NTN1: variants seen among roughly 807,000 people sequenced by gnomAD.
NTN1 encodes the protein netrin-1.
NTN1 carries 11 observed loss-of-function variants against 54.2 expected under a neutral mutation model. That is an observed-to-expected ratio of 0.20 (90% CI 0.13 to 0.34). The LOEUF (loss-of-function observed/expected upper bound fraction) is 0.34. Among genes scored for constraint, NTN1 ranks in the 10% least tolerant of loss-of-function variants. NTN1 has a pLI of 1.00. For missense variants in NTN1, 740 were observed against 893.1 expected (o/e 0.83, Z 2.18); for synonymous variants, 371 against 382.0 (o/e 0.97, Z 0.33).
At chr17:9,208,201 C>T (rs1367304619) in intron 5 of NTN1, among the ~76,000 whole-genome samples, 1 of 152,162 alleles carries the variant, frequency 6.6e-6, no homozygotes, top group Non-Finnish European at 1.5e-5. Context: ...CATTGCACTC[C>T]AGCCTAGGCC....
intron 5 of NTN1, among the ~76,000 whole-genome samples, chr17:9,209,406 G>A (rs1905043722): frequency 6.6e-6 from 1 of 152,234 alleles, no homozygotes; most frequent in Non-Finnish European, 1.5e-5. Context: ...AATCGATATT[G>A]CAGGGGGCCA....
At chr17:9,231,303 G>GT (rs1555579605) in intron 6 of NTN1, among the ~76,000 whole-genome samples, 1 of 152,070 alleles carries the variant, frequency 6.6e-6, no homozygotes, top group Non-Finnish European at 1.5e-5. Context: ...CCCGGGGGGG[G>GT]ACCCCAGCCT....
In NTN1 at chr17:9,234,403, C is replaced by G. The variant is rs985163812; in HGVS notation, c.1487-5237C>G. 8.5e-5 allele frequency among the ~76,000 whole-genome samples: 13 copies of G among 152,300 alleles called. No homozygotes were observed. The Middle Eastern group carries it at 0.01, about 120-fold the overall frequency. ...TGGCCCATGGGCTGAGGGCAGGAGA[C>G]AAAGCTCAGCCAGGTGCCTAGGACC... On this transcript the variant is annotated intron_variant, in intron 6 of 6. Coordinates refer to ENST00000173229, the MANE Select transcript of NTN1 (RefSeq NM_004822.3).
chr17:9,103,111 A>C (rs1488744271), intron 2 of NTN1, among the ~76,000 whole-genome samples: 1 of 152,298 alleles, frequency 6.6e-6, no homozygotes, highest in South Asian at 2.1e-4. Context: ...TGTGAGCAAA[A>C]AATTTTCTGA....
intron 6 of NTN1, among the ~76,000 whole-genome samples, chr17:9,231,985 C>A (rs1299813969): frequency 6.6e-6 from 1 of 152,124 alleles, no homozygotes; most frequent in South Asian, 2.1e-4. Context: ...CAGCCCTCAC[C>A]GATGCCTTTG....
upstream of NTN1, among the ~76,000 whole-genome samples, chr17:9,017,459 C>T (rs1226814804): frequency 6.6e-6 from 1 of 152,158 alleles, no homozygotes; most frequent in Middle Eastern, 3.2e-3. Context: ...GCTCAGCACC[C>T]CTCCTTCCTT....
At chr17:9,186,598 A>G (rs926037240) in intron 5 of NTN1, among the ~76,000 whole-genome samples, 7 of 152,208 alleles carry the variant, frequency 4.6e-5, no homozygotes, top group Non-Finnish European at 8.8e-5. Context: ...AGTGGCTGCC[A>G]AGGGCACCCT....
chr17:9,033,369 G>T (rs1053197570), intron 2 of NTN1, among the ~76,000 whole-genome samples: 1 of 152,136 alleles, frequency 6.6e-6, no homozygotes, highest in African/African-American at 2.4e-5. Context: ...TTTGAACCAG[G>T]GGTAGAGAGG....
intron 4 of NTN1, 55 bp downstream of exon 4, chr17:9,180,011 CT>C (rs1438023539): frequency 8.8e-5 from 137 of 1,562,442 alleles, no homozygotes; most frequent in Non-Finnish European, 1.1e-4. Context: ...GGACAGTGAG[CT>C]TTTGAGGATG....
intron 2 of NTN1, among the ~76,000 whole-genome samples, chr17:9,026,012 T>G (rs985974544): frequency 6.6e-6 from 1 of 152,222 alleles, no homozygotes; most frequent in African/African-American, 2.4e-5. Flanking sequence ...TCAAGAAGTA[T>G]ATATTTTTTA....
intron 2 of NTN1, among the ~76,000 whole-genome samples, chr17:9,118,843 A>G (rs1380285945): frequency 6.6e-6 from 1 of 152,134 alleles, no homozygotes; most frequent in Non-Finnish European, 1.5e-5. Context: ...ATTCCTTTTC[A>G]TTGCTGAGTA....
In NTN1 at chr17:9,041,692, G is replaced by A. The variant is rs538763695; in HGVS notation, c.1018+18301G>A. On this transcript the variant is annotated intron_variant, in intron 2 of 6. Coordinates refer to ENST00000173229, the MANE Select transcript of NTN1 (RefSeq NM_004822.3). The stretch of plus-strand genomic sequence containing the variant: ...CTGCTTTCTCTGGGGTATCTACCTA[G>A]CAGTGGAATTGTTGGGTTATAAGAC... Among the ~76,000 whole-genome samples, 8 of 152,214 alleles carry A rather than the reference G, an allele frequency of 5.3e-5. No homozygotes were observed. In the South Asian group the frequency reaches 1.0e-3, roughly 20 times the overall value.
At chr17:9,070,959 A>G (rs1487388360) in intron 2 of NTN1, among the ~76,000 whole-genome samples, 2 of 152,152 alleles carry the variant, frequency 1.3e-5, no homozygotes, top group Non-Finnish European at 2.9e-5. Flanking sequence ...GGCTGGACCC[A>G]TAGTTCGGTC....
chr17:9,073,875 G>A (rs1372381330), intron 2 of NTN1, among the ~76,000 whole-genome samples: 3 of 152,228 alleles, frequency 2.0e-5, no homozygotes, highest in Non-Finnish European at 4.4e-5. Flanking sequence ...CGCGCAGTGA[G>A]TTCAGCACTC....
At position 9,239,569 on chromosome 17, in the gene NTN1, C is replaced by T. The variant is rs1597556670; in HGVS notation, c.1487-71C>T. The T allele has an allele frequency of 6.7e-7, 1 of 1,499,046 alleles. No individual in the cohort carries two copies. The highest frequency in any genetic ancestry group is 1.8e-5 in the Admixed American group (1 of 56,892). The allele number at this position is 1,499,046 out of a possible 1,614,324, so 92.9% of individuals were successfully genotyped here. A position where few individuals can be genotyped will look rare whatever the true frequency, so the allele number is the denominator to read the frequency against. On this transcript the variant is annotated intron_variant, in intron 6 of 6. Coordinates refer to ENST00000173229, the MANE Select transcript of NTN1 (RefSeq NM_004822.3). This position sits in a 1 kb window ranked among gnomAD's most constrained non-coding sequence, Gnocchi z 5.2. ...GGGGCTGGGTCTCCTTTCCCTTCTC[C>T]CCAGGCTCAGGCAGGGCGGACCTAG...
intron 5 of NTN1, among the ~76,000 whole-genome samples, chr17:9,204,864 G>A (rs1368161652): frequency 6.6e-6 from 1 of 152,012 alleles, no homozygotes; most frequent in African/African-American, 2.4e-5. Flanking sequence ...ATGAGGTTGG[G>A]TAGAGTAACC....
At chr17:9,201,492 A>G (rs1202751826) in intron 5 of NTN1, among the ~76,000 whole-genome samples, 6 of 152,218 alleles carry the variant, frequency 3.9e-5, no homozygotes, top group Non-Finnish European at 8.8e-5. Context: ...AACTTGTCCC[A>G]AGGGGACTCA....
At chr17:9,177,933 G>C (rs1179539634) in intron 3 of NTN1, 1 of 152,238 alleles carries the variant, frequency 6.6e-6, no homozygotes, top group Non-Finnish European at 1.5e-5. Flanking sequence ...GGTGGCTCAC[G>C]CCTGTAATCC....
chr17:9,168,395 A>G (rs2108946), intron 3 of NTN1, among the ~76,000 whole-genome samples: 150,650 of 152,118 alleles, frequency 0.99, 74,603 homozygotes, highest in East Asian at 1. Flanking sequence ...AGCCGGGCGC[A>G]GTGGCGCATG....
Sources: allele counts gnomAD v4.1 joint callset (sites outside exome capture counted in the v4.1 genomes callset), GRCh38; gene constraint gnomAD v4.1.1; non-coding constraint Gnocchi (gnomAD v3.1); transcripts MANE v1.5; gene names NCBI Gene and HGNC (gene_info 2026-07-23, HGNC 2026-07-21).